The following ELF2 variants were observed in gnomAD, a reference collection of about 807,000 sequenced individuals.
The protein encoded by ELF2 is E74 like ETS transcription factor 2.
Under a neutral mutation model 54.8 loss-of-function variants are expected in ELF2, and 11 were observed. That is an observed-to-expected ratio of 0.20 (90% CI 0.13 to 0.33). ELF2 has a LOEUF of 0.33. Ranked by LOEUF, ELF2 falls within the 10% of genes least tolerant of loss-of-function variation. The pLI, the probability that ELF2 is intolerant of heterozygous loss-of-function variation, is 1.00. For missense variants in ELF2, 513 were observed against 703.0 expected, an observed-to-expected ratio of 0.73 and a Z score of 3.06; for synonymous variants, 203 against 245.1, an observed-to-expected ratio of 0.83 and a Z score of 1.61.
intron 7 of ELF2, chr4:139,066,968 A>G (rs960335654): frequency 6.6e-6 from 1 of 152,110 alleles, no homozygotes; most frequent in Non-Finnish European, 1.5e-5. Flanking sequence ...GAATTCTTCT[A>G]AACAGTTAAG....
intron 1 of ELF2, among the ~76,000 whole-genome samples, chr4:139,144,617 A>C (rs1739046117): frequency 6.6e-6 from 1 of 152,236 alleles, no homozygotes; most frequent in Non-Finnish European, 1.5e-5. Context: ...TCCTGTATGT[A>C]AACAGCTTGG....
At chr4:139,084,438 G>GGGGGGCGGC (rs1731703747) in intron 4 of ELF2, 2 of 1,118,126 alleles carry the variant, frequency 1.8e-6, no homozygotes, top group Non-Finnish European at 2.2e-6. Context: ...GCAGGGGCAG[G>GGGGGGCGGC]GGCGGCGGCG....
intron 4 of ELF2, among the ~76,000 whole-genome samples, chr4:139,123,427 T>C (rs566831633): frequency 2.2e-4 from 33 of 152,228 alleles, no homozygotes; most frequent in Non-Finnish European, 3.4e-4. Flanking sequence ...GCCCAGCAAA[T>C]GATATCATTA....
intron 4 of ELF2, among the ~76,000 whole-genome samples, chr4:139,121,261 A>T (rs1258565246): frequency 1.3e-5 from 2 of 150,334 alleles, no homozygotes; most frequent in Admixed American, 6.6e-5. Context: ...GGCGCCCGCT[A>T]CCACGCCCGG....
intron 4 of ELF2, among the ~76,000 whole-genome samples, chr4:139,121,343 C>T (rs1736329562): frequency 1.3e-5 from 2 of 151,564 alleles, no homozygotes; most frequent in South Asian, 2.1e-4. Context: ...CTCCTGACCT[C>T]GTGATTCACC....
intron 3 of ELF2, chr4:139,137,305 G>A (rs556995105): frequency 3.3e-6 from 1 of 304,464 alleles, no homozygotes; most frequent in East Asian, 6.5e-5. Flanking sequence ...TTTGGGCATA[G>A]TATATACCTA....
At chr4:139,092,822 T>A (rs2148763869) in intron 4 of ELF2, among the ~76,000 whole-genome samples, 1 of 151,516 alleles carries the variant, frequency 6.6e-6, no homozygotes, top group Admixed American at 6.6e-5. Context: ...TAAATAAAAA[T>A]AATAATAATT....
intron 1 of ELF2, among the ~76,000 whole-genome samples, chr4:139,175,873 C>G (rs1323703355): frequency 6.6e-6 from 1 of 152,212 alleles, no homozygotes; most frequent in African/African-American, 2.4e-5. Flanking sequence ...TGCAGCGAAT[C>G]TGCCTCCTAG....
intron 8 of ELF2, 69 bp downstream of exon 8, chr4:139,061,796 T>C: frequency 1.2e-5 from 18 of 1,542,354 alleles, no homozygotes; most frequent in Non-Finnish European, 1.5e-5. Flanking sequence ...AGCTTCTCTT[T>C]AAACAGCTAA....
At chr4:139,151,048 GA>G (rs1231430491) in intron 1 of ELF2, among the ~76,000 whole-genome samples, 1 of 81,610 alleles carries the variant, frequency 1.2e-5, no homozygotes, top group Non-Finnish European at 2.8e-5. Flanking sequence ...AAGAAAGAAA[GA>G]AAGAAAGAAA....
chr4:139,079,403 C>T (rs1342782693), intron 4 of ELF2, among the ~76,000 whole-genome samples: 1 of 152,258 alleles, frequency 6.6e-6, no homozygotes, highest in East Asian at 1.9e-4. Context: ...TTGAAAGTGA[C>T]AAGGCAAATA....
At chr4:139,098,936 GATTT>G (rs1294110377) in intron 4 of ELF2, among the ~76,000 whole-genome samples, 1 of 151,990 alleles carries the variant, frequency 6.6e-6, no homozygotes, top group African/African-American at 2.4e-5. Flanking sequence ...CTACTATCTT[GATTT>G]ATTATTTCTA....
Position 139,059,309 on chromosome 4 carries a change from T to A in ELF2, c.1456A>T (p.Ile486Phe). 1 of 1,613,950 alleles carries A rather than the reference T, an allele frequency of 6.2e-7. No homozygotes were observed. Among genetic ancestry groups the A allele is most frequent in the Non-Finnish European group, 8.5e-7 (1 of 1,179,860 alleles). The stretch of plus-strand genomic sequence containing the variant: ...CTCACAGCCAATGGGGTTCCAACAA[T>A]GTTAATGCTTCCTGATCCAGTCAGA... ...SNLTGSGSIN[I>F]VGTPLAVRAL... Residue 486 changes from isoleucine (I) to phenylalanine (F), a missense_variant, in exon 10 of 10, where the codon ATT becomes TTT. By Grantham distance (21) the Ile-to-Phe change is conservative (BLOSUM62 0). Coordinates refer to ENST00000686138, the MANE Select transcript of ELF2 (RefSeq NM_001331036.3).
chr4:139,170,259 C>CTTTTTTTTTT (rs70940499), intron 1 of ELF2, among the ~76,000 whole-genome samples: 1 of 89,292 alleles, frequency 1.1e-5, no homozygotes, highest in Non-Finnish European at 2.0e-5. Flanking sequence ...TCTTAATCGC[C>CTTTTTTTTTT]TTTTTTTTTT....
At chr4:139,092,617 G>A (rs1255272771) in intron 4 of ELF2, among the ~76,000 whole-genome samples, 1 of 151,862 alleles carries the variant, frequency 6.6e-6, no homozygotes, top group East Asian at 1.9e-4. Flanking sequence ...TGGCTAACAG[G>A]GTGAAACCAC....
At chr4:139,096,090 A>AAC (rs1375093297) in intron 4 of ELF2, among the ~76,000 whole-genome samples, 1 of 152,172 alleles carries the variant, frequency 6.6e-6, no homozygotes, top group African/African-American at 2.4e-5. Flanking sequence ...CAGCCTGGGC[A>AAC]ACAGAACAAG....
chr4:139,074,537 G>A (rs1044991857), intron 4 of ELF2, among the ~76,000 whole-genome samples: 3 of 151,810 alleles, frequency 2.0e-5, no homozygotes, highest in Admixed American at 1.3e-4. Context: ...CAAGGCGTGC[G>A]GATCACGAGG....
intron 1 of ELF2, among the ~76,000 whole-genome samples, chr4:139,159,877 T>C (rs1740928676): frequency 6.6e-6 from 1 of 152,142 alleles, no homozygotes. Flanking sequence ...TATAACAGCA[T>C]GGTGGTGCAA....
chr4:139,175,825 T>C (rs1742849566), intron 1 of ELF2, among the ~76,000 whole-genome samples: 1 of 152,190 alleles, frequency 6.6e-6, no homozygotes, highest in Non-Finnish European at 1.5e-5. Flanking sequence ...TGTCCCCCTC[T>C]TCCTCATTTA....
Sources: gnomAD v4.1 joint callset for allele counts (sites outside exome capture counted in the v4.1 genomes callset) on GRCh38, gnomAD v4.1.1 for gene constraint, MANE v1.5 for transcripts, NCBI Gene and HGNC (gene_info 2026-07-23, HGNC 2026-07-21) for gene names.